Variants in KDM7A observed in about 807,000 individuals in gnomAD.
KDM7A encodes lysine demethylase 7A, also known as lysine-specific demethylase 7A.
KDM7A carries 28 observed loss-of-function variants against 114.8 expected under a neutral mutation model. That is an observed-to-expected ratio of 0.24 (90% CI 0.18 to 0.33). The LOEUF is 0.33. Ranked by LOEUF, KDM7A falls within the 10% of genes least tolerant of loss-of-function variation. The pLI, the probability that KDM7A is intolerant of heterozygous loss-of-function variation, is 1.00. For synonymous variants in KDM7A, 423 were observed against 397.8 expected (o/e 1.06, Z -0.75); for missense variants, 942 against 1,142.5 (o/e 0.82, Z 2.53).
intron 5 of KDM7A, 24 bp from the exon 6 acceptor site, chr7:140,126,847 C>A (rs766674222): frequency 1.3e-5 from 20 of 1,556,876 alleles, no homozygotes; most frequent in Non-Finnish European, 1.6e-5. Flanking sequence ...AACATACACA[C>A]ACACCCACAT....
intron 1 of KDM7A, among the ~76,000 whole-genome samples, chr7:140,163,332 G>A (rs917272561): frequency 1.3e-5 from 2 of 151,524 alleles, no homozygotes; most frequent in Non-Finnish European, 2.9e-5. Context: ...CTATCACCCA[G>A]GCTGGAGTAC....
rs1420403514 is a variant in KDM7A at position 140,086,670 on chromosome 7, GC to G, written c.*4423del. 1 of 152,092 alleles carries G rather than the reference GC, an allele frequency of 6.6e-6. No individual in the cohort carries two copies. Among genetic ancestry groups the G allele is most frequent in the Non-Finnish European group, 1.5e-5 (1 of 68,016 alleles). The allele number at this position is 152,092 out of a possible 1,614,324, so 9.4% of individuals were successfully genotyped here. On this transcript the variant is annotated 3_prime_UTR_variant, in exon 20 of 20. Transcript: ENST00000397560. The stretch of plus-strand genomic sequence containing the variant: ...ACATGAACATCATCTCATAGGGCAA[GC>G]CGAAAACTGGGGGCTGTTTTAGGAA...
At chr7:140,145,738 T>C (rs908497869) in intron 1 of KDM7A, among the ~76,000 whole-genome samples, 1 of 152,138 alleles carries the variant, frequency 6.6e-6, no homozygotes, top group African/African-American at 2.4e-5. Flanking sequence ...GTTTGTCTTG[T>C]CTCACCTTGA....
intron 1 of KDM7A, among the ~76,000 whole-genome samples, chr7:140,168,955 A>G (rs1351313043): frequency 6.6e-6 from 1 of 152,234 alleles, no homozygotes; most frequent in Non-Finnish European, 1.5e-5. Flanking sequence ...TATCATTATG[A>G]AACTTACAGT....
intron 2 of KDM7A, among the ~76,000 whole-genome samples, chr7:140,138,005 T>G (rs1311974683): frequency 6.6e-6 from 1 of 152,192 alleles, no homozygotes; most frequent in Non-Finnish European, 1.5e-5. Context: ...ATAAAAATGC[T>G]AGTCTGCAGC....
intron 1 of KDM7A, among the ~76,000 whole-genome samples, chr7:140,161,166 ATAAAG>A (rs1303879316): frequency 1.3e-5 from 2 of 152,268 alleles, no homozygotes; most frequent in Non-Finnish European, 2.9e-5. Flanking sequence ...TCAAAAAGTA[ATAAAG>A]TAAAAAAGAC....
At chr7:140,112,663 T>C (rs1469495282) in intron 10 of KDM7A, among the ~76,000 whole-genome samples, 1 of 151,976 alleles carries the variant, frequency 6.6e-6, no homozygotes, top group Non-Finnish European at 1.5e-5. Flanking sequence ...CTCACATATG[T>C]ATGTATCACC....
intron 1 of KDM7A, among the ~76,000 whole-genome samples, chr7:140,164,254 G>A (rs954010991): frequency 1.3e-5 from 2 of 152,218 alleles, no homozygotes; most frequent in African/African-American, 2.4e-5. Context: ...GTGCAACAAA[G>A]AGTTTGCAAG....
intron 1 of KDM7A, among the ~76,000 whole-genome samples, chr7:140,140,489 A>G (rs1794253894): frequency 6.6e-6 from 1 of 152,168 alleles, no homozygotes; most frequent in Non-Finnish European, 1.5e-5. Flanking sequence ...GATTAAGAAC[A>G]CAGCAGCTGG....
chr7:140,155,805 C>G (rs541832887), intron 1 of KDM7A, among the ~76,000 whole-genome samples: 23 of 152,240 alleles, frequency 1.5e-4, no homozygotes, highest in Non-Finnish European at 3.4e-4. Context: ...AAATTATATG[C>G]CAACTATTTT....
At chr7:140,159,409 C>CA (rs58026416) in intron 1 of KDM7A, among the ~76,000 whole-genome samples, 63 of 150,896 alleles carry the variant, frequency 4.2e-4, no homozygotes, top group East Asian at 2.3e-3. Flanking sequence ...GGCATGCTAA[C>CA]AAAAAAAAAT....
At chr7:140,174,659 G>T (rs1794681881) in intron 1 of KDM7A, among the ~76,000 whole-genome samples, 2 of 152,028 alleles carry the variant, frequency 1.3e-5, no homozygotes, top group African/African-American at 4.8e-5. Context: ...GGAGTGCAGT[G>T]GCGCGATCTC....
chr7:140,166,235 T>C (rs989522635), intron 1 of KDM7A, among the ~76,000 whole-genome samples: 2 of 151,984 alleles, frequency 1.3e-5, no homozygotes, highest in African/African-American at 4.8e-5. Context: ...GGAAGAAAAC[T>C]ATACGATTCT....
At chr7:140,154,099 T>A (rs1485088437) in intron 1 of KDM7A, among the ~76,000 whole-genome samples, 1 of 152,142 alleles carries the variant, frequency 6.6e-6, no homozygotes, top group Non-Finnish European at 1.5e-5. Context: ...GGGTGACTAG[T>A]GTTGTTATCT....
intron 8 of KDM7A, among the ~76,000 whole-genome samples, chr7:140,120,007 T>C (rs982346388): frequency 1.3e-5 from 2 of 152,194 alleles, no homozygotes. Context: ...CAAATTCTCA[T>C]ATAGAGGAGA....
intron 15 of KDM7A, 43 bp downstream of exon 15, chr7:140,097,502 C>T: frequency 9.4e-7 from 1 of 1,063,924 alleles, no homozygotes; most frequent in Admixed American, 2.1e-5. Context: ...TGGTGCTCAT[C>T]TTTCCATCAA....
chr7:140,106,022 G>T (rs1226416476), intron 11 of KDM7A, among the ~76,000 whole-genome samples: 2 of 152,160 alleles, frequency 1.3e-5, no homozygotes, highest in African/African-American at 4.8e-5. Flanking sequence ...TCTTGGAAGG[G>T]TGTATGTGTT....
chr7:140,105,785 A>G (rs1464083070), intron 11 of KDM7A, among the ~76,000 whole-genome samples: 3 of 152,214 alleles, frequency 2.0e-5, no homozygotes, highest in African/African-American at 7.2e-5. Flanking sequence ...CTTTGCTATC[A>G]GGATGATGCT....
intron 1 of KDM7A, among the ~76,000 whole-genome samples, chr7:140,148,852 T>A (rs1354018503): frequency 6.6e-6 from 1 of 152,204 alleles, no homozygotes; most frequent in Non-Finnish European, 1.5e-5. Flanking sequence ...TCTTCATAAA[T>A]TGAATATGGT....
Sources: allele counts gnomAD v4.1 joint callset (sites outside exome capture counted in the v4.1 genomes callset), GRCh38; gene constraint gnomAD v4.1.1; transcripts MANE v1.5; gene names NCBI Gene and HGNC (gene_info 2026-07-23, HGNC 2026-07-21).